The following ZNF678 variants were observed in gnomAD, a reference collection of about 807,000 sequenced individuals.
The protein encoded by ZNF678 is hypothetical protein MGC42493.
In ZNF678, 5 loss-of-function variants were observed where a neutral mutation model predicts 3.0. That is an observed-to-expected ratio of 1.69 (90% CI 0.88 to 3.56). ZNF678 has a LOEUF of 3.56. Ranked by LOEUF, ZNF678 falls within the 30% of genes most tolerant of loss-of-function variation. The pLI, the probability that ZNF678 is intolerant of heterozygous loss-of-function variation, is 0.00. For missense variants in ZNF678, 593 were observed against 605.0 expected, an observed-to-expected ratio of 0.98 and a Z score of 0.21; for synonymous variants, 218 against 199.6, an observed-to-expected ratio of 1.09 and a Z score of -0.78.
intron 2 of ZNF678, among the ~76,000 whole-genome samples, chr1:227,647,365 T>C (rs997969435): frequency 6.6e-6 from 1 of 152,142 alleles, no homozygotes; most frequent in Non-Finnish European, 1.5e-5. Context: ...CTTCTAAAAA[T>C]TTTTTTTCCT....
chr1:227,678,283 A>G (rs925788691), downstream of ZNF678, among the ~76,000 whole-genome samples: 1 of 152,152 alleles, frequency 6.6e-6, no homozygotes, highest in African/African-American at 2.4e-5. Flanking sequence ...TTCCCCTAGG[A>G]TGGAATACCC....
rs544056254 is a variant in ZNF678, at chr1:227,618,126, C to A, written c.-163-28418C>A. 5.9e-5 allele frequency among the ~76,000 whole-genome samples: 9 copies of A among 152,338 alleles called. No homozygotes were observed. In the South Asian group the frequency reaches 1.5e-3, roughly 25 times the overall value. The stretch of plus-strand genomic sequence containing the variant: ...TGATAGCCAGCTACCTGGCGCCTGC[C>A]CTGAGTTGCCTTGTGTTACCTTTGG... On this transcript the variant is annotated intron_variant, in intron 1 of 3. Coordinates refer to ENST00000343776, the MANE Select transcript of ZNF678 (RefSeq NM_001367909.1).
At chr1:227,592,076 G>T (rs545011931) in intron 1 of ZNF678, among the ~76,000 whole-genome samples, 1 of 152,164 alleles carries the variant, frequency 6.6e-6, no homozygotes, top group Non-Finnish European at 1.5e-5. Flanking sequence ...GGTCTCAGAG[G>T]TTGGGCCCAC....
At chr1:227,616,829 G>GT (rs1338504629) in intron 1 of ZNF678, among the ~76,000 whole-genome samples, 7 of 152,266 alleles carry the variant, frequency 4.6e-5, no homozygotes, top group South Asian at 2.1e-4. Flanking sequence ...TGATTATAGG[G>GT]TACCCCCATG....
intron 1 of ZNF678, among the ~76,000 whole-genome samples, chr1:227,581,004 T>C (rs1362143445): frequency 6.6e-6 from 1 of 152,086 alleles, no homozygotes; most frequent in African/African-American, 2.4e-5. Context: ...TGGACTTCTA[T>C]ATAAAGGTCA....
In ZNF678 at chr1:227,654,402, T is replaced by G; in HGVS notation, c.152T>G (p.Val51Gly). Residue 51 changes from valine to glycine, a missense_variant, in exon 4 of 4, where the codon GTG (valine) becomes GGG (glycine). Coordinates refer to ENST00000343776, the MANE Select transcript of ZNF678 (RefSeq NM_001367909.1). ...GATATGAAAGATTTATGCCAAAAAGTGACACTGACAAGACATAGAAGCTGG... is the reference window on the plus strand; with the variant it reads ...GATATGAAAGATTTATGCCAAAAAGGGACACTGACAAGACATAGAAGCTGG... ...EQDMKDLCQKVTLTRHRSWGL... is the reference protein window; with the variant it reads ...EQDMKDLCQKGTLTRHRSWGL... 1 of 1,608,086 alleles carries G rather than the reference T, an allele frequency of 6.2e-7. No individual in the cohort carries two copies. The highest frequency in any genetic ancestry group is 8.5e-7 in the Non-Finnish European group (1 of 1,177,558).
At chr1:227,607,633 C>T (rs1226413601) in intron 1 of ZNF678, among the ~76,000 whole-genome samples, 1 of 150,430 alleles carries the variant, frequency 6.6e-6, no homozygotes, top group East Asian at 1.9e-4. Flanking sequence ...TTCCAAGCCA[C>T]TTACATGTAC....
chr1:227,589,443 TC>T, intron 1 of ZNF678, among the ~76,000 whole-genome samples: 1 of 151,764 alleles, frequency 6.6e-6, no homozygotes, highest in East Asian at 1.9e-4. Context: ...TTGTCGAGGA[TC>T]AAATGGCTGT....
chr1:227,577,617 G>A (rs920539154), intron 1 of ZNF678, among the ~76,000 whole-genome samples: 2 of 151,976 alleles, frequency 1.3e-5, no homozygotes, highest in African/African-American at 4.8e-5. Flanking sequence ...TTTATTTTTA[G>A]CCTAAATGTA....
At chr1:227,570,195 C>T (rs745459074) in intron 1 of ZNF678, among the ~76,000 whole-genome samples, 4 of 152,152 alleles carry the variant, frequency 2.6e-5, no homozygotes, top group Non-Finnish European at 5.9e-5. Context: ...AGTGTGGCTC[C>T]CACTGAGTAC....
intron 1 of ZNF678, among the ~76,000 whole-genome samples, chr1:227,637,074 G>A (rs1658696914): frequency 6.6e-6 from 1 of 152,162 alleles, no homozygotes. Context: ...AGCATAGCCA[G>A]CATTCCAGTA....
chr1:227,574,947 G>T (rs112989142), intron 1 of ZNF678, among the ~76,000 whole-genome samples: 14 of 93,152 alleles, frequency 1.5e-4, no homozygotes, highest in African/African-American at 3.2e-4. Flanking sequence ...GGGGTTTTTT[G>T]TTGTTGTTGT....
chr1:227,628,181 C>G (rs1658463355), intron 1 of ZNF678, among the ~76,000 whole-genome samples: 1 of 152,244 alleles, frequency 6.6e-6, no homozygotes, highest in Admixed American at 6.5e-5. Context: ...CTGCCACTAC[C>G]TGTAAACAAT....
rs1658730230 is a variant in ZNF678 at position 227,638,216 on chromosome 1, A to G, written c.-163-8328A>G. Among the ~76,000 whole-genome samples, 1 of 152,114 alleles carries G rather than the reference A, an allele frequency of 6.6e-6. No individual in the cohort carries two copies. The highest frequency in any genetic ancestry group is 1.5e-5 in the Non-Finnish European group (1 of 68,020). ...GGTTTGGGGAATTAGAGTGTAAAGGAATTGTGAAAAAAAGCATCTTTTATG... is the reference window on the plus strand; with the variant it reads ...GGTTTGGGGAATTAGAGTGTAAAGGGATTGTGAAAAAAAGCATCTTTTATG... On this transcript the variant is annotated intron_variant, in intron 1 of 3. Transcript: ENST00000343776. The surrounding 1 kb of genome is among the most constrained non-coding windows in gnomAD (Gnocchi z 4.2).
intron 2 of ZNF678, among the ~76,000 whole-genome samples, chr1:227,650,259 C>G (rs1659057524): frequency 6.6e-6 from 1 of 152,146 alleles, no homozygotes; most frequent in African/African-American, 2.4e-5. Context: ...ATTACTGAAG[C>G]AACTATCTTT....
Position 227,590,109 on chromosome 1 carries a change from G to A in ZNF678, c.-164+26385G>A, listed in dbSNP as rs192869337. ...CAGGTAGTAAATAAGGGATCAGTAA[G>A]CAGGTTCCTATTACTACTATAATTT... On this transcript the variant is annotated intron_variant, in intron 1 of 3. Coordinates refer to ENST00000343776, the MANE Select transcript of ZNF678 (RefSeq NM_001367909.1). Among the ~76,000 whole-genome samples the A allele has an allele frequency of 1.2e-3, 182 of 151,930 alleles. 6 individuals carry two copies. The highest frequency in any genetic ancestry group is 4.1e-3 in the African/African-American group (170 of 41,306).
chr1:227,573,068 G>A (rs1656895863), intron 1 of ZNF678, among the ~76,000 whole-genome samples: 1 of 152,254 alleles, frequency 6.6e-6, no homozygotes, highest in African/African-American at 2.4e-5. Context: ...CTGCCACGTG[G>A]CATGGGGTTT....
intron 1 of ZNF678, among the ~76,000 whole-genome samples, chr1:227,643,600 C>A (rs1658877622): frequency 6.6e-6 from 1 of 152,136 alleles, no homozygotes; most frequent in South Asian, 2.1e-4. Flanking sequence ...TTTCCCAAAT[C>A]CAAACAGATA....
In ZNF678 at chr1:227,642,512, T is replaced by C. The variant is rs1658846705; in HGVS notation, c.-163-4032T>C. ...TTACTAGAGTAGGATAGTTTTGTCTTTCCTCTTACCCAAGAGTTAGCTGAT... is the reference window on the plus strand; with the variant it reads ...TTACTAGAGTAGGATAGTTTTGTCTCTCCTCTTACCCAAGAGTTAGCTGAT... On this transcript the variant is annotated intron_variant, in intron 1 of 3. Coordinates refer to ENST00000343776, the MANE Select transcript of ZNF678 (RefSeq NM_001367909.1). Among the ~76,000 whole-genome samples, 4 of 152,174 alleles carry C rather than the reference T, an allele frequency of 2.6e-5. No homozygotes were observed. In the East Asian group the frequency reaches 7.7e-4, roughly 29 times the overall value.
Sources: gnomAD v4.1 joint callset for allele counts (sites outside exome capture counted in the v4.1 genomes callset) on GRCh38, gnomAD v4.1.1 for gene constraint, Gnocchi (gnomAD v3.1) non-coding constraint, MANE v1.5 for transcripts, NCBI Gene and HGNC (gene_info 2026-07-23, HGNC 2026-07-21) for gene names.